Variants in MTSS1 observed in about 807,000 individuals in gnomAD.
MTSS1 encodes the protein protein MTSS 1.
In MTSS1, 18 loss-of-function variants were observed where a neutral mutation model predicts 79.0. That is an observed-to-expected ratio of 0.23 (90% CI 0.16 to 0.34). MTSS1 has a LOEUF of 0.34. Among genes scored for constraint, MTSS1 ranks in the 10% least tolerant of loss-of-function variants. The probability of loss-of-function intolerance (pLI) is 1.00; values close to 1 mark genes in which losing one functional copy is unlikely to be tolerated. For synonymous variants in MTSS1, 341 were observed against 368.6 expected (o/e 0.93, Z 0.86); for missense variants, 815 against 986.2 (o/e 0.83, Z 2.33).
At chr8:124,690,069 C>A (rs914630309) in intron 3 of MTSS1, among the ~76,000 whole-genome samples, 1 of 152,122 alleles carries the variant, frequency 6.6e-6, no homozygotes, top group African/African-American at 2.4e-5. Flanking sequence ...CCTAACAACA[C>A]AAATAACCAC....
At position 124,553,546 on chromosome 8, in the gene MTSS1, C is replaced by G; in HGVS notation, c.1714G>C (p.Gly572Arg). The change falls in exon 14 of 14, where the codon GGC (glycine) becomes CGC (arginine). Residue 572 changes from glycine (G) to arginine (R), a missense_variant. Physicochemically the swap from Gly to Arg is moderately radical, Grantham distance 125. Coordinates refer to ENST00000518547, the MANE Select transcript of MTSS1 (RefSeq NM_014751.6). The surrounding 1 kb of genome is among the most constrained non-coding windows in gnomAD (Gnocchi z 6.0). The part of the protein sequence containing the change: ...FQAKRPASTA[G>R]LPTTLGPAMV... Reference sequence around the variant, plus strand: ...GCAGGTCCCAGGGTGGTGGGGAGGCCAGCAGTTGAGGCTGGACGCTTGGCT... The same window carrying G: ...GCAGGTCCCAGGGTGGTGGGGAGGCGAGCAGTTGAGGCTGGACGCTTGGCT... The G allele has an allele frequency of 6.2e-7, 1 of 1,614,054 alleles. No individual in the cohort carries two copies. Among genetic ancestry groups the G allele is most frequent in the Non-Finnish European group, 8.5e-7 (1 of 1,180,008 alleles).
At chr8:124,599,697 C>T (rs899323529) in intron 3 of MTSS1, among the ~76,000 whole-genome samples, 1 of 152,006 alleles carries the variant, frequency 6.6e-6, no homozygotes, top group African/African-American at 2.4e-5. Flanking sequence ...TGACCCCCTC[C>T]TCCCCCAAAT....
At chr8:124,701,069 C>CA (rs775323215) in intron 2 of MTSS1, among the ~76,000 whole-genome samples, 16 of 151,910 alleles carry the variant, frequency 1.1e-4, no homozygotes, top group Non-Finnish European at 1.9e-4. Context: ...TCTCTACACA[C>CA]AAAAAAATTG....
At chr8:124,629,802 C>A (rs1441997698) in intron 3 of MTSS1, among the ~76,000 whole-genome samples, 1 of 152,206 alleles carries the variant, frequency 6.6e-6, no homozygotes, top group African/African-American at 2.4e-5. Context: ...CACCCCCCTC[C>A]ATCTGGGAAG....
intron 10 of MTSS1, 53 bp downstream of exon 10, chr8:124,562,729 G>A (rs1825605436): frequency 1.3e-6 from 2 of 1,547,800 alleles, no homozygotes; most frequent in Admixed American, 1.7e-5. Flanking sequence ...GCCACTGACA[G>A]TGGTCAGGAC....
chr8:124,558,236 A>G (rs1477578548), intron 10 of MTSS1, among the ~76,000 whole-genome samples: 2 of 152,088 alleles, frequency 1.3e-5, no homozygotes, highest in African/African-American at 4.8e-5. Flanking sequence ...GCAAATTTAA[A>G]AATTCCAAAG....
chr8:124,727,646 CG>C lies in MTSS1; in HGVS notation c.72+237del. 1.5e-6 allele frequency: 1 copy of C among 656,322 alleles called. No homozygotes were observed. 40.7% of individuals were successfully genotyped at this position (656,322 alleles called of 1,614,324 possible). A position where few individuals can be genotyped will look rare whatever the true frequency, so the allele number is the denominator to read the frequency against. On this transcript the variant is annotated intron_variant, in intron 1 of 13. Transcript: ENST00000518547. This position sits in a 1 kb window ranked among gnomAD's most constrained non-coding sequence, Gnocchi z 4.7. ...TGGTGCCGCCCCCTGGGACAATGAG[CG>C]GGGGAGATGGCGTGGGACAGCAGAC...
chr8:124,567,521 C>T, intron 7 of MTSS1: 1 of 1,074,192 alleles, frequency 9.3e-7, no homozygotes. Flanking sequence ...TACTGTGGCC[C>T]TTTTCTGAAG....
At chr8:124,634,343 C>T (rs1816614059) in intron 3 of MTSS1, among the ~76,000 whole-genome samples, 1 of 151,106 alleles carries the variant, frequency 6.6e-6, no homozygotes, top group African/African-American at 2.4e-5. Flanking sequence ...AATGACATTT[C>T]ACCACATTGC....
At chr8:124,689,661 G>A (rs28398032) in intron 3 of MTSS1, among the ~76,000 whole-genome samples, 45,981 of 149,680 alleles carry the variant, frequency 0.31, 7,211 homozygotes, top group East Asian at 0.44. Context: ...CAGGACAGTC[G>A]CTTGAACCCG....
At chr8:124,633,251 A>T (rs1262045097) in intron 3 of MTSS1, among the ~76,000 whole-genome samples, 2 of 152,124 alleles carry the variant, frequency 1.3e-5, no homozygotes, top group Non-Finnish European at 2.9e-5. Context: ...TAGGCATCAA[A>T]GGCCTTAATA....
chr8:124,693,159 T>C (rs1010338562), intron 3 of MTSS1, among the ~76,000 whole-genome samples: 4 of 152,130 alleles, frequency 2.6e-5, no homozygotes, highest in Non-Finnish European at 5.9e-5. Flanking sequence ...GGGCCTGGAA[T>C]GCACATGTGC....
chr8:124,621,171 A>G (rs937470110), intron 3 of MTSS1, among the ~76,000 whole-genome samples: 6 of 152,256 alleles, frequency 3.9e-5, no homozygotes, highest in Non-Finnish European at 7.3e-5. Flanking sequence ...TGCGATCGCC[A>G]TGACTCTGAC....
intron 6 of MTSS1, among the ~76,000 whole-genome samples, chr8:124,578,240 G>A (rs1829355260): frequency 6.6e-6 from 1 of 152,064 alleles, no homozygotes. Context: ...CACCCTTGGT[G>A]GGACGACAGC....
At chr8:124,634,110 A>C (rs530012706) in intron 3 of MTSS1, among the ~76,000 whole-genome samples, 1 of 148,710 alleles carries the variant, frequency 6.7e-6, no homozygotes, top group South Asian at 2.1e-4. Context: ...ATTTATTTTT[A>C]ATTTTTTTTT....
At chr8:124,617,714 A>G (rs1188083178) in intron 3 of MTSS1, among the ~76,000 whole-genome samples, 1 of 152,172 alleles carries the variant, frequency 6.6e-6, no homozygotes, top group Non-Finnish European at 1.5e-5. Context: ...ATCAGAGTGG[A>G]CCTGGAGCTC....
At chr8:124,653,387 A>G (rs1820352433) in intron 3 of MTSS1, among the ~76,000 whole-genome samples, 1 of 152,222 alleles carries the variant, frequency 6.6e-6, no homozygotes, top group Non-Finnish European at 1.5e-5. Context: ...ATTCATTACA[A>G]CTATGTTGGC....
intron 3 of MTSS1, among the ~76,000 whole-genome samples, chr8:124,592,412 T>G (rs571823181): frequency 2.8e-4 from 43 of 152,276 alleles, no homozygotes; most frequent in Non-Finnish European, 7.4e-5. Flanking sequence ...AATAAAGCAC[T>G]ATTTTTAACA....
intron 3 of MTSS1, among the ~76,000 whole-genome samples, chr8:124,692,930 A>G (rs550092218): frequency 6.6e-6 from 1 of 152,118 alleles, no homozygotes; most frequent in Non-Finnish European, 1.5e-5. Context: ...GTCCTGTTAG[A>G]GGTGTCTCCA....
Sources: gnomAD v4.1 joint callset for allele counts (sites outside exome capture counted in the v4.1 genomes callset) on GRCh38, gnomAD v4.1.1 for gene constraint, Gnocchi (gnomAD v3.1) non-coding constraint, MANE v1.5 for transcripts, NCBI Gene and HGNC (gene_info 2026-07-23, HGNC 2026-07-21) for gene names.